The following CA10 variants were observed in gnomAD, a reference collection of about 807,000 sequenced individuals.
CA10 encodes the protein carbonic anhydrase 10 (inactive).
A neutral mutation model predicts 44.2 loss-of-function variants in CA10; 14 were observed. That is an observed-to-expected ratio of 0.32 (90% CI 0.21 to 0.50). CA10 has a LOEUF of 0.50. CA10 is among the 20% of genes least tolerant of loss of function. The probability of loss-of-function intolerance (pLI) is 0.99; values close to 1 mark genes in which losing one functional copy is unlikely to be tolerated. For missense variants in CA10, 350 were observed against 409.7 expected, an observed-to-expected ratio of 0.85 and a Z score of 1.26; for synonymous variants, 159 against 141.6, an observed-to-expected ratio of 1.12 and a Z score of -0.87.
intron 3 of CA10, among the ~76,000 whole-genome samples, chr17:51,861,815 A>G (rs1160011460): frequency 6.6e-6 from 1 of 152,180 alleles, no homozygotes; most frequent in African/African-American, 2.4e-5. Context: ...TGAATAAAAG[A>G]TTACTTATGT....
At chr17:51,854,259 G>A (rs376475671) in intron 3 of CA10, among the ~76,000 whole-genome samples, 47 of 152,176 alleles carry the variant, frequency 3.1e-4, no homozygotes, top group African/African-American at 1.0e-3. Flanking sequence ...CAGGGCAGGG[G>A]TGGCAGCAGC....
chr17:51,889,359 G>A (rs1042798547), intron 3 of CA10, among the ~76,000 whole-genome samples: 4 of 144,220 alleles, frequency 2.8e-5, no homozygotes, highest in African/African-American at 9.8e-5. Context: ...CTGTCTCTAC[G>A]AAAAATACAA....
At chr17:52,087,616 T>C (rs984620308) in intron 1 of CA10, among the ~76,000 whole-genome samples, 2 of 152,248 alleles carry the variant, frequency 1.3e-5, no homozygotes, top group Admixed American at 1.3e-4. Context: ...AATTCTGTTC[T>C]ATACAGTGAG....
At chr17:51,684,607 G>T (rs1157261768) in intron 4 of CA10, among the ~76,000 whole-genome samples, 4 of 152,206 alleles carry the variant, frequency 2.6e-5, no homozygotes, top group African/African-American at 9.6e-5. Flanking sequence ...GAACATGTGG[G>T]AATGGGCTTC....
At chr17:52,001,942 C>T (rs1438161895) in intron 2 of CA10, among the ~76,000 whole-genome samples, 1 of 151,888 alleles carries the variant, frequency 6.6e-6, no homozygotes, top group Non-Finnish European at 1.5e-5. Flanking sequence ...AACAGTTACC[C>T]TGAGGTTCAA....
intron 3 of CA10, among the ~76,000 whole-genome samples, chr17:51,840,988 T>C (rs1978314518): frequency 6.6e-6 from 1 of 152,196 alleles, no homozygotes; most frequent in Non-Finnish European, 1.5e-5. Context: ...AGAGCTGAAG[T>C]AATATTCTGG....
chr17:52,068,643 A>G lies in CA10; in HGVS notation c.136+3676T>C, dbSNP rs140717917. 5.0e-3 allele frequency among the ~76,000 whole-genome samples: 764 copies of G among 152,320 alleles called. 3 individuals are homozygous for G. Among genetic ancestry groups the G allele is most frequent in the African/African-American group, 0.017 (706 of 41,574 alleles). On this transcript the variant is annotated intron_variant, in intron 2 of 8. Coordinates refer to ENST00000451037, the MANE Select transcript of CA10 (RefSeq NM_020178.5). ...CAGAAAGTCTGACTCAAAGTGGCTC[A>G]AGCAGTAAGAAGTTTGTTACGTCAC...
At chr17:51,841,239 A>G (rs1978316557) in intron 3 of CA10, among the ~76,000 whole-genome samples, 1 of 152,158 alleles carries the variant, frequency 6.6e-6, no homozygotes, top group African/African-American at 2.4e-5. Context: ...TTCAGTCCGC[A>G]TGTCATTCAC....
At chr17:51,748,212 TAAG>T (rs1193708592) in intron 3 of CA10, among the ~76,000 whole-genome samples, 4 of 152,186 alleles carry the variant, frequency 2.6e-5, no homozygotes, top group Non-Finnish European at 4.4e-5. Context: ...GGTGAGATAT[TAAG>T]AAGGCCAAAT....
chr17:52,007,310 A>G (rs1452880814), intron 2 of CA10, among the ~76,000 whole-genome samples: 2 of 151,686 alleles, frequency 1.3e-5, no homozygotes, highest in African/African-American at 4.8e-5. Context: ...ATATCTTACT[A>G]AATACCTGTC....
At chr17:52,017,894 T>C (rs1598168515) in intron 2 of CA10, among the ~76,000 whole-genome samples, 1 of 152,128 alleles carries the variant, frequency 6.6e-6, no homozygotes, top group African/African-American at 2.4e-5. Flanking sequence ...GGAAGAATGG[T>C]TTCATGAGCC....
At chr17:51,918,946 T>C (rs995829277) in intron 3 of CA10, among the ~76,000 whole-genome samples, 2 of 152,192 alleles carry the variant, frequency 1.3e-5, no homozygotes, top group South Asian at 2.1e-4. Flanking sequence ...CTATATGACA[T>C]TAAATCTTCA....
intron 2 of CA10, among the ~76,000 whole-genome samples, chr17:52,014,709 TATA>T (rs57805481): frequency 0.032 from 4,827 of 152,086 alleles, 256 homozygotes; most frequent in African/African-American, 0.11. Flanking sequence ...ACATAAGTGA[TATA>T]ATATTAGTAT....
rs547357175 is a variant in CA10, at chr17:51,807,621, G to A, written c.280-59803C>T. On this transcript the variant is annotated intron_variant, in intron 3 of 8. Transcript: ENST00000451037. ...ATAGAAATAACAAAAACCTTCCTAA[G>A]TGGTAGAATGAGTGCTTACATTGCG... Among the ~76,000 whole-genome samples, 37 of 152,310 alleles carry A rather than the reference G, an allele frequency of 2.4e-4. No individual in the cohort carries two copies. In the South Asian group the frequency reaches 7.0e-3, roughly 29 times the overall value.
intron 2 of CA10, among the ~76,000 whole-genome samples, chr17:52,009,849 A>G (rs779492667): frequency 4.6e-5 from 7 of 152,064 alleles, no homozygotes; most frequent in African/African-American, 1.7e-4. Context: ...TTCACAATCT[A>G]TATATCCAAC....
chr17:51,959,317 TGTGTG>T (rs1567900296), intron 2 of CA10, among the ~76,000 whole-genome samples: 4 of 148,032 alleles, frequency 2.7e-5, no homozygotes, highest in Non-Finnish European at 6.0e-5. Flanking sequence ...TGTGTGTGTG[TGTGTG>T]TGTGAATCGT....
chr17:51,939,958 A>G (rs926029883), intron 2 of CA10, among the ~76,000 whole-genome samples: 1 of 152,016 alleles, frequency 6.6e-6, no homozygotes, highest in African/African-American at 2.4e-5. Context: ...CTCATTTAAG[A>G]TGGCCTTTCC....
intron 1 of CA10, among the ~76,000 whole-genome samples, chr17:52,152,999 A>G (rs2143416784): frequency 6.6e-6 from 1 of 152,222 alleles, no homozygotes; most frequent in African/African-American, 2.4e-5. Context: ...ATACACATTT[A>G]TGATACCTAG....
intron 3 of CA10, among the ~76,000 whole-genome samples, chr17:51,767,899 T>A (rs191506915): frequency 6.6e-6 from 1 of 152,132 alleles, no homozygotes; most frequent in East Asian, 1.9e-4. Flanking sequence ...TGACAGGAGG[T>A]AGAGCTCAGG....
Sources: allele counts gnomAD v4.1 joint callset (sites outside exome capture counted in the v4.1 genomes callset), GRCh38; gene constraint gnomAD v4.1.1; transcripts MANE v1.5; gene names NCBI Gene and HGNC (gene_info 2026-07-23, HGNC 2026-07-21).